Variants in PTPRN2 observed in about 807,000 individuals in gnomAD.
The protein encoded by PTPRN2 is protein tyrosine phosphatase receptor type N2.
A neutral mutation model predicts 118.8 loss-of-function variants in PTPRN2; 74 were observed. The ratio of observed to expected loss-of-function variants is 0.62; its 90% confidence interval spans 0.52 to 0.76. The LOEUF is 0.76. PTPRN2 is among the 30% of genes least tolerant of loss of function. The probability of loss-of-function intolerance (pLI) is 0.00; values close to 1 mark genes in which losing one functional copy is unlikely to be tolerated. For missense variants in PTPRN2, 1,481 were observed against 1,394.4 expected (o/e 1.06, Z -0.99); for synonymous variants, 641 against 608.0 (o/e 1.05, Z -0.80).
intron 2 of PTPRN2, among the ~76,000 whole-genome samples, chr7:158,453,247 C>T (rs370963193): frequency 1.2e-5 from 1 of 81,534 alleles, no homozygotes; most frequent in African/African-American, 4.7e-5. Context: ...CAGTCCTCAC[C>T]GTACGGTGCA....
chr7:158,554,746 A>T (rs933510051), intron 1 of PTPRN2, among the ~76,000 whole-genome samples: 37 of 151,966 alleles, frequency 2.4e-4, no homozygotes, highest in African/African-American at 8.7e-4. Context: ...CCCTTCCAAG[A>T]CGCAGTGGCC....
At chr7:158,149,497 C>T (rs572988491) in intron 6 of PTPRN2, among the ~76,000 whole-genome samples, 2 of 151,664 alleles carry the variant, frequency 1.3e-5, no homozygotes, top group South Asian at 2.1e-4. Flanking sequence ...CCAATTAACT[C>T]ACTGATTTTT....
chr7:157,777,918 T>A (rs554527449), intron 12 of PTPRN2, among the ~76,000 whole-genome samples: 1 of 151,508 alleles, frequency 6.6e-6, no homozygotes, highest in Non-Finnish European at 1.5e-5. Flanking sequence ...TCCATAATAT[T>A]GATGCATAAT....
At chr7:157,837,571 A>G (rs114310704) in intron 12 of PTPRN2, among the ~76,000 whole-genome samples, 2,569 of 151,576 alleles carry the variant, frequency 0.017, 70 homozygotes, top group African/African-American at 0.056. Context: ...ACCCAGGAAC[A>G]CCCTGGGCTT....
intron 12 of PTPRN2, among the ~76,000 whole-genome samples, chr7:157,821,331 A>C (rs1377172762): frequency 1.3e-5 from 2 of 152,196 alleles, no homozygotes; most frequent in Non-Finnish European, 2.9e-5. Flanking sequence ...CAGAGCTATA[A>C]ATTCAGGGTC....
intron 22 of PTPRN2, among the ~76,000 whole-genome samples, chr7:157,543,523 A>G (rs1204022751): frequency 6.6e-6 from 1 of 152,210 alleles, no homozygotes; most frequent in East Asian, 1.9e-4. Context: ...TGGAGGCTGC[A>G]GGAGCTGCCA....
chr7:157,791,361 G>A (rs938293298), intron 12 of PTPRN2, among the ~76,000 whole-genome samples: 6 of 152,322 alleles, frequency 3.9e-5, no homozygotes, highest in African/African-American at 7.2e-5. Context: ...AGAAATAAGC[G>A]CCCGCGTCCA....
At chr7:158,080,477 T>C (rs999602823) in intron 11 of PTPRN2, among the ~76,000 whole-genome samples, 1 of 151,876 alleles carries the variant, frequency 6.6e-6, no homozygotes, top group African/African-American at 2.4e-5. Flanking sequence ...ATGGCCCTAA[T>C]GCACTGAAAA....
chr7:158,068,377 A>G (rs1394400057), intron 11 of PTPRN2, among the ~76,000 whole-genome samples: 1 of 152,194 alleles, frequency 6.6e-6, no homozygotes, highest in Non-Finnish European at 1.5e-5. Context: ...CGCCAGGACC[A>G]TTAGGGACCC....
intron 12 of PTPRN2, among the ~76,000 whole-genome samples, chr7:157,736,643 C>T (rs1363909300): frequency 6.6e-6 from 1 of 152,054 alleles, no homozygotes; most frequent in Admixed American, 6.5e-5. Context: ...GTCCTGGGCA[C>T]GGCCACCCGT....
intron 1 of PTPRN2, among the ~76,000 whole-genome samples, chr7:158,540,459 G>A (rs533821442): frequency 2.6e-5 from 4 of 152,198 alleles, no homozygotes; most frequent in South Asian, 4.2e-4. Context: ...TGGAGGTGAC[G>A]TGCTGGGTCT....
intron 2 of PTPRN2, among the ~76,000 whole-genome samples, chr7:158,422,647 C>T (rs528081290): frequency 6.1e-5 from 9 of 146,612 alleles, no homozygotes; most frequent in African/African-American, 2.5e-4. Context: ...GGCCACCCTT[C>T]GGACGTGGTC....
At chr7:158,008,144 TGA>T (rs551531708) in intron 11 of PTPRN2, among the ~76,000 whole-genome samples, 15 of 43,668 alleles carry the variant, frequency 3.4e-4, no homozygotes, top group Admixed American at 2.4e-3. Context: ...TACACATGTG[TGA>T]GTGTGTGTGG....
At chr7:158,342,299 C>A (rs569785239) in intron 2 of PTPRN2, among the ~76,000 whole-genome samples, 37 of 145,760 alleles carry the variant, frequency 2.5e-4, no homozygotes, top group South Asian at 4.5e-4. Flanking sequence ...CTGACACCCG[C>A]AGACGTCACT....
chr7:158,440,905 GTGA>G (rs1182387646), intron 2 of PTPRN2, among the ~76,000 whole-genome samples: 14 of 148,762 alleles, frequency 9.4e-5, no homozygotes, highest in African/African-American at 2.3e-4. Flanking sequence ...GGTGGTGACG[GTGA>G]TGATGATGGT....
At chr7:157,653,964 C>A (rs1805864146) in intron 14 of PTPRN2, among the ~76,000 whole-genome samples, 1 of 129,912 alleles carries the variant, frequency 7.7e-6, no homozygotes, top group Non-Finnish European at 1.6e-5. Flanking sequence ...CTCCCCACAC[C>A]CACCCCGACT....
At chr7:158,148,986 C>G (rs1585628805) in intron 6 of PTPRN2, among the ~76,000 whole-genome samples, 1 of 133,274 alleles carries the variant, frequency 7.5e-6, no homozygotes, top group Non-Finnish European at 1.6e-5. Flanking sequence ...CCATCTCACG[C>G]CACACATCTT....
chr7:158,447,822 G>C (rs894584526), intron 2 of PTPRN2, among the ~76,000 whole-genome samples: 1 of 152,244 alleles, frequency 6.6e-6, no homozygotes, highest in Admixed American at 6.5e-5. Flanking sequence ...GAGAGCGGGG[G>C]CAGTGCTGAA....
intron 12 of PTPRN2, among the ~76,000 whole-genome samples, chr7:157,748,207 GCT>G (rs1801140286): frequency 1.3e-5 from 2 of 148,718 alleles, no homozygotes; most frequent in Admixed American, 6.7e-5. Flanking sequence ...TGAGCTGTGA[GCT>G]GTTGAGGTAA....
Sources: allele counts gnomAD v4.1 joint callset (sites outside exome capture counted in the v4.1 genomes callset), GRCh38; gene constraint gnomAD v4.1.1; transcripts MANE v1.5; gene names NCBI Gene and HGNC (gene_info 2026-07-23, HGNC 2026-07-21).